Variants in BBS2 observed in about 807,000 individuals in gnomAD.
BBS2 encodes the protein BBSome complex member BBS2.
A neutral mutation model predicts 83.0 loss-of-function variants in BBS2; 62 were observed. The observed-to-expected ratio is 0.75, with a 90% CI of 0.61 to 0.92. The LOEUF (loss-of-function observed/expected upper bound fraction) is 0.92, where lower values mean the gene tolerates loss of function less well. BBS2 is among the 40% of genes least tolerant of loss of function. The probability of loss-of-function intolerance (pLI) is 0.00; values close to 1 mark genes in which losing one functional copy is unlikely to be tolerated. For synonymous variants in BBS2, 303 were observed against 326.1 expected, an observed-to-expected ratio of 0.93 and a Z score of 0.76; for missense variants, 784 against 901.0, an observed-to-expected ratio of 0.87 and a Z score of 1.66.
intron 17 of BBS2, chr16:56,470,702 C>T: frequency 1.9e-6 from 3 of 1,614,034 alleles, no homozygotes; most frequent in Non-Finnish European, 2.5e-6. Flanking sequence ...CCTCCTGAGC[C>T]AGAGAATAAT....
At chr16:56,480,646 C>T, downstream of BBS2, among the ~76,000 whole-genome samples, 1 of 152,166 alleles carries the variant, frequency 6.6e-6, no homozygotes, top group Non-Finnish European at 1.5e-5. Context: ...CCGCCTTGAC[C>T]TCCCAAAGTT....
downstream of BBS2, among the ~76,000 whole-genome samples, chr16:56,480,376 A>AAC (rs1963641141): frequency 4.9e-5 from 7 of 142,472 alleles, no homozygotes; most frequent in Non-Finnish European, 9.2e-5. Context: ...CAAAAAAAAA[A>AAC]ACAAAGCTTG....
chr16:56,502,712 C>T lies in BBS2; in HGVS notation c.901G>A (p.Gly301Ser). Residue 301 changes from glycine to serine, a missense_variant, in exon 8 of 17, where the codon GGC becomes AGC. Gly to Ser is a moderately conservative substitution (Grantham distance 56, BLOSUM62 0). Transcript: ENST00000245157. Reference protein sequence around the residue: ...GVVEGDYRMDGHIQLICCSVD... With the variant: ...GVVEGDYRMDSHIQLICCSVD... ...GAGCAGCAGATTAACTGTATGTGGCCATCCATCCGGTAATCTCCCTCTACC... is the reference window on the plus strand; with the variant it reads ...GAGCAGCAGATTAACTGTATGTGGCTATCCATCCGGTAATCTCCCTCTACC... The T allele has an allele frequency of 6.2e-7, 1 of 1,614,166 alleles. No homozygotes were observed. Among genetic ancestry groups the T allele is most frequent in the Non-Finnish European group, 8.5e-7 (1 of 1,180,032 alleles).
At chr16:56,485,498 C>G in intron 16 of BBS2, 92 bp downstream of exon 16, 1 of 1,516,838 alleles carries the variant, frequency 6.6e-7, no homozygotes, top group East Asian at 2.3e-5. Context: ...ACTTTCAGCC[C>G]CAATATGAAT....
intron 17 of BBS2, chr16:56,477,807 C>G (rs1963545865): frequency 6.6e-6 from 1 of 152,130 alleles, no homozygotes; most frequent in South Asian, 2.1e-4. Context: ...AAGCACTGGG[C>G]CTTTAAACTT....
At chr16:56,512,276 AAC>A (rs1964599677) in intron 2 of BBS2, among the ~76,000 whole-genome samples, 1 of 152,212 alleles carries the variant, frequency 6.6e-6, no homozygotes, top group African/African-American at 2.4e-5. Context: ...ACTTTGCAAA[AAC>A]AGTTTCACAG....
At position 56,499,813 on chromosome 16, in the gene BBS2, A is replaced by T. The variant is rs1261310336; in HGVS notation, c.1492T>A (p.Tyr498Asn). The change falls in exon 12 of 17, where the codon TAT (tyrosine) becomes AAT (asparagine). Residue 498 changes from tyrosine (Y) to asparagine (N), a missense_variant. Coordinates refer to ENST00000245157, the MANE Select transcript of BBS2 (RefSeq NM_031885.5). ...CGTTCTGCAATGGTAAAGTTAACAT[A>T]ACTGATTGGCTCACTGGCAGGGTCC... The part of the protein sequence containing the change: ...SLDPASEPIS[Y>N]VNFTIAERAQ... The T allele has an allele frequency of 6.2e-7, 1 of 1,614,232 alleles. No individual in the cohort carries two copies. The highest frequency in any genetic ancestry group is 8.5e-7 in the Non-Finnish European group (1 of 1,180,032).
At chr16:56,491,333 G>A (rs1376340632) in intron 15 of BBS2, among the ~76,000 whole-genome samples, 5 of 152,080 alleles carry the variant, frequency 3.3e-5, no homozygotes, top group African/African-American at 9.7e-5. Flanking sequence ...GTGAGTTCTC[G>A]CTCATGCAGG....
intron 5 of BBS2, among the ~76,000 whole-genome samples, chr16:56,507,314 T>A (rs538490136): frequency 4.6e-5 from 7 of 152,324 alleles, no homozygotes; most frequent in African/African-American, 1.7e-4. Context: ...AGTTCACCAG[T>A]TTCTTCCTTT....
At chr16:56,472,638 CAAG>C (rs1372254228) in intron 17 of BBS2, among the ~76,000 whole-genome samples, 1 of 151,748 alleles carries the variant, frequency 6.6e-6, no homozygotes, top group Non-Finnish European at 1.5e-5. Flanking sequence ...GTTTAGAAAA[CAAG>C]AAAAAGGAAA....
chr16:56,515,009 T>C (rs1470231334), intron 1 of BBS2, among the ~76,000 whole-genome samples: 1 of 152,158 alleles, frequency 6.6e-6, no homozygotes, highest in Non-Finnish European at 1.5e-5. Flanking sequence ...CAACCTAGAA[T>C]AAGCTGCTAC....
At chr16:56,475,389 G>T in intron 17 of BBS2, 1 of 904,136 alleles carries the variant, frequency 1.1e-6, no homozygotes. Flanking sequence ...CATAGAACCA[G>T]TTACTGCTGA....
chr16:56,508,019 A>C (rs1206529196), intron 5 of BBS2, among the ~76,000 whole-genome samples: 1 of 152,190 alleles, frequency 6.6e-6, no homozygotes, highest in Non-Finnish European at 1.5e-5. Flanking sequence ...ACACATCCTC[A>C]GACTGCTCCT....
intron 2 of BBS2, among the ~76,000 whole-genome samples, chr16:56,512,546 CAA>C (rs1483693386): frequency 6.6e-6 from 1 of 152,002 alleles, no homozygotes; most frequent in Non-Finnish European, 1.5e-5. Flanking sequence ...GCAACAACAA[CAA>C]AAGACTACTT....
intron 12 of BBS2, 181 bp from the exon 13 acceptor site, chr16:56,498,749 A>T: frequency 6.7e-7 from 1 of 1,485,772 alleles, no homozygotes; most frequent in South Asian, 1.3e-5. Context: ...CCAAGAAAAT[A>T]CTAAAACACT....
downstream of BBS2, among the ~76,000 whole-genome samples, chr16:56,480,353 A>AAAAAAAAAAAAAC (rs1963634346): frequency 1.0e-5 from 1 of 98,752 alleles, no homozygotes; most frequent in African/African-American, 4.7e-5. Flanking sequence ...ACACACACAC[A>AAAAAAAAAAAAAC]AAAAAAAAAA....
At position 56,514,567 on chromosome 16, in the gene BBS2, A is replaced by G; in HGVS notation, c.231T>C (p.Cys77=). 6.2e-7 allele frequency: 1 copy of G among 1,613,482 alleles called. No individual in the cohort carries two copies. The highest frequency in any genetic ancestry group is 1.1e-5 in the South Asian group (1 of 91,084). The part of the protein sequence containing the change: ...SLLSINQAVS[C]LTAGVLNPEL... Reference sequence around the variant, plus strand: ...CAGGGTTCAATACGCCTGCAGTCAGACAGCTGACTGCCTGGTTAATGCTGA... The same window carrying G: ...CAGGGTTCAATACGCCTGCAGTCAGGCAGCTGACTGCCTGGTTAATGCTGA... The change falls in exon 2 of 17, where the codon TGT becomes TGC. Residue 77 remains cysteine, a synonymous_variant. Transcript: ENST00000245157.
At chr16:56,470,929 G>A in intron 17 of BBS2, 1 of 814,150 alleles carries the variant, frequency 1.2e-6, no homozygotes, top group Non-Finnish European at 1.9e-6. Context: ...AACAGACAAG[G>A]TCTCTGGTCT....
chr16:56,478,691 T>G (rs1330437812), intron 17 of BBS2: 5 of 152,202 alleles, frequency 3.3e-5, no homozygotes, highest in African/African-American at 7.2e-5. Context: ...ATCTGAATCT[T>G]AGAATACCTC....
Sources: allele counts gnomAD v4.1 joint callset (sites outside exome capture counted in the v4.1 genomes callset), GRCh38; gene constraint gnomAD v4.1.1; transcripts MANE v1.5; gene names NCBI Gene and HGNC (gene_info 2026-07-23, HGNC 2026-07-21).